GPLD1: variants seen among roughly 807,000 people sequenced by gnomAD.
GPLD1 encodes the protein glycosylphosphatidylinositol specific phospholipase D1.
GPLD1 carries 84 observed loss-of-function variants against 112.6 expected under a neutral mutation model. That is an observed-to-expected ratio of 0.75 (90% CI 0.63 to 0.89). The LOEUF is 0.89. Among genes scored for constraint, GPLD1 ranks in the 40% least tolerant of loss-of-function variants. The pLI is 0.00. For synonymous variants in GPLD1, 386 were observed against 403.8 expected (o/e 0.96, Z 0.53); for missense variants, 1,044 against 1,051.5 (o/e 0.99, Z 0.10).
At chr6:24,485,674 C>G (rs2744569) in intron 2 of GPLD1, among the ~76,000 whole-genome samples, 1 of 149,226 alleles carries the variant, frequency 6.7e-6, no homozygotes, top group East Asian at 2.0e-4. Context: ...TAATGAGTCT[C>G]TTTTTTTTTT....
intron 5 of GPLD1, among the ~76,000 whole-genome samples, chr6:24,474,867 GA>G (rs1251269425): frequency 6.6e-6 from 1 of 151,630 alleles, no homozygotes; most frequent in Non-Finnish European, 1.5e-5. Context: ...TTGAACCAGG[GA>G]GTTGGAGGTT....
At chr6:24,435,849 T>TAAAAAAAAAAAAAAAAAAA (rs1554129001) in intron 22 of GPLD1, 1 of 83,934 alleles carries the variant, frequency 1.2e-5, no homozygotes. Flanking sequence ...AAAAAAAAAG[T>TAAAAAAAAAAAAAAAAAAA]TAAATAATGG....
rs1763649608 is a variant in GPLD1 at position 24,467,232 on chromosome 6, C to A, written c.588G>T (p.Leu196=). 2 of 1,606,896 alleles carry A rather than the reference C, an allele frequency of 1.2e-6. No homozygotes were observed. Among genetic ancestry groups the A allele is most frequent in the African/African-American group, 2.7e-5 (2 of 74,914 alleles). The stretch of plus-strand genomic sequence containing the variant: ...TTTCGGTGATGACTTTTCGACCATA[C>A]AGTTTCTCATAAATTCCCAGTAGAT... ...VKDLLGIYEK[L]YGRKVITENV... The change falls in exon 8 of 25, where the codon CTG becomes CTT. Residue 196 remains leucine, a synonymous_variant. Transcript: ENST00000230036.
At chr6:24,431,107 A>G (rs1762389110) in intron 24 of GPLD1, among the ~76,000 whole-genome samples, 1 of 152,204 alleles carries the variant, frequency 6.6e-6, no homozygotes, top group South Asian at 2.1e-4. Context: ...GAATCTTCCC[A>G]TAAAGTTAAT....
chr6:24,468,396 C>T lies in GPLD1; in HGVS notation c.546-1122G>A, dbSNP rs1217117879. Among the ~76,000 whole-genome samples, 4 of 152,276 alleles carry T rather than the reference C, an allele frequency of 2.6e-5. No individual in the cohort carries two copies. In the South Asian group the frequency reaches 6.2e-4, roughly 24 times the overall value. On this transcript the variant is annotated intron_variant, in intron 7 of 24. Transcript: ENST00000230036. ...ATTGTTTCACTAAACCAGACTACAG[C>T]ATAAGTGACACTATTACTGTAAACT...
chr6:24,456,001 C>T (rs1256609285), intron 13 of GPLD1, among the ~76,000 whole-genome samples: 2 of 151,966 alleles, frequency 1.3e-5, no homozygotes, highest in African/African-American at 4.8e-5. Context: ...ATAGCAAGAC[C>T]CCATCTCTAG....
At chr6:24,462,935 C>G in intron 10 of GPLD1, 140 bp from the exon 11 acceptor site, 1 of 622,944 alleles carries the variant, frequency 1.6e-6, no homozygotes, top group Non-Finnish European at 2.9e-6. Flanking sequence ...TAATTAAGAG[C>G]CCATGTTCTC....
Position 24,436,603 on chromosome 6 carries a change from T to A in GPLD1, c.2331A>T (p.Ser777=), listed in dbSNP as rs1062522. ...TTTCTTCTGGACATGGAGTTATCCA[T>A]GATTTGCATTTGCCAGTCATGTCAC... ...TLGDMTGKCK[S]WITPCPEEKA... Residue 777 remains serine (S), a synonymous_variant, in exon 22 of 25, where the codon TCA becomes TCT. Transcript: ENST00000230036. 2 of 1,613,972 alleles carry A rather than the reference T, an allele frequency of 1.2e-6. No individual in the cohort carries two copies. Among genetic ancestry groups the A allele is most frequent in the African/African-American group, 2.7e-5 (2 of 74,946 alleles).
Position 24,476,181 on chromosome 6 carries a change from CT to C in GPLD1, c.329del (p.Lys110ArgfsTer7). 1 of 1,516,356 alleles carries C rather than the reference CT, an allele frequency of 6.6e-7. No homozygotes were observed. Among genetic ancestry groups the C allele is most frequent in the Non-Finnish European group, 9.0e-7 (1 of 1,107,130 alleles). 93.9% of individuals were successfully genotyped at this position (1,516,356 alleles called of 1,614,324 possible). ...IRENYPLPWE[K>X]DTEKLVAFLF... Reference sequence around the variant, plus strand: ...TTAAGGATTGGAGGACCACGCCTACCTTCTCCCAGGGAAGGGGATAGTTCTC... The same window carrying C: ...TTAAGGATTGGAGGACCACGCCTACCTCTCCCAGGGAAGGGGATAGTTCTC... On this transcript the variant is annotated frameshift_variant and splice_region_variant, in exon 4 of 25. Transcript: ENST00000230036. LOFTEE classifies it high-confidence loss of function.
intron 20 of GPLD1, among the ~76,000 whole-genome samples, chr6:24,443,410 C>A (rs1029175804): frequency 6.6e-6 from 1 of 152,056 alleles, no homozygotes; most frequent in African/African-American, 2.4e-5. Flanking sequence ...ACAAGAAACA[C>A]GGCACTTGGG....
At chr6:24,434,844 A>G (rs1341039678) in intron 22 of GPLD1, among the ~76,000 whole-genome samples, 1 of 150,450 alleles carries the variant, frequency 6.6e-6, no homozygotes, top group Non-Finnish European at 1.5e-5. Context: ...TCTCAAAAAA[A>G]AAAAAAAAAA....
intron 4 of GPLD1, among the ~76,000 whole-genome samples, 159 bp downstream of exon 4, chr6:24,476,022 T>C (rs568356073): frequency 6.6e-6 from 1 of 152,322 alleles, no homozygotes; most frequent in South Asian, 2.1e-4. Context: ...ATTCAAGTAT[T>C]AGCTAGCCAT....
At chr6:24,477,620 C>T (rs2760149) in intron 3 of GPLD1, among the ~76,000 whole-genome samples, 73,741 of 151,504 alleles carry the variant, frequency 0.49, 18,492 homozygotes, top group African/African-American at 0.59. Context: ...GTCTCAGCTA[C>T]TCAGAAGGCT....
At chr6:24,485,138 A>C (rs1285814799) in intron 2 of GPLD1, among the ~76,000 whole-genome samples, 3 of 152,252 alleles carry the variant, frequency 2.0e-5, no homozygotes, top group African/African-American at 7.2e-5. Context: ...CGTATTTCTT[A>C]ATAAATACTT....
chr6:24,462,504 C>G (rs1763469225), intron 11 of GPLD1, among the ~76,000 whole-genome samples: 2 of 152,166 alleles, frequency 1.3e-5, no homozygotes, highest in African/African-American at 4.8e-5. Context: ...ATGTCATCCA[C>G]ACCATAATTC....
intron 20 of GPLD1, among the ~76,000 whole-genome samples, chr6:24,443,096 A>G (rs1203035286): frequency 6.6e-6 from 1 of 152,192 alleles, no homozygotes; most frequent in Non-Finnish European, 1.5e-5. Flanking sequence ...TATGGTTACT[A>G]CTTGAGACCG....
At chr6:24,463,918 C>T (rs1312985471) in intron 10 of GPLD1, among the ~76,000 whole-genome samples, 1 of 152,076 alleles carries the variant, frequency 6.6e-6, no homozygotes, top group East Asian at 1.9e-4. Flanking sequence ...AATTTTACAC[C>T]TTGGTAAATT....
At chr6:24,447,143 T>C (rs948778015) in intron 17 of GPLD1, among the ~76,000 whole-genome samples, 164 bp from the exon 18 acceptor site, 2 of 152,180 alleles carry the variant, frequency 1.3e-5, no homozygotes, top group South Asian at 2.1e-4. Context: ...CCCAATGTCA[T>C]TGAATCTCAC....
rs753393225 is a variant in GPLD1, at chr6:24,476,197, G to A, written c.314C>T (p.Pro105Leu). 5.8e-6 allele frequency: 9 copies of A among 1,550,776 alleles called. No homozygotes were observed. Among genetic ancestry groups the A allele is most frequent in the Non-Finnish European group, 8.8e-7 (1 of 1,135,332 alleles). The change falls in exon 4 of 25, where the codon CCC becomes CTC. Residue 105 changes from proline to leucine, a missense_variant. Coordinates refer to ENST00000230036, the MANE Select transcript of GPLD1 (RefSeq NM_001503.4). The part of the protein sequence containing the change: ...ASVHYIRENY[P>L]LPWEKDTEKL... ...CACGCCTACCTTCTCCCAGGGAAGG[G>A]GATAGTTCTCTCGGATATAATGAAC...
Sources: gnomAD v4.1 joint callset for allele counts (sites outside exome capture counted in the v4.1 genomes callset) on GRCh38, gnomAD v4.1.1 for gene constraint, MANE v1.5 for transcripts, NCBI Gene and HGNC (gene_info 2026-07-23, HGNC 2026-07-21) for gene names.